Variants in DYM observed in about 807,000 individuals in gnomAD.
The protein encoded by DYM is dyggve-Melchior-Clausen syndrome protein.
DYM carries 78 observed loss-of-function variants against 93.1 expected under a neutral mutation model. The observed-to-expected ratio is 0.84, with a 90% CI of 0.70 to 1.01. The LOEUF (loss-of-function observed/expected upper bound fraction) is 1.01. Among genes scored for constraint, DYM ranks in the 50% least tolerant of loss-of-function variants. The pLI, the probability that DYM is intolerant of heterozygous loss-of-function variation, is 0.00. For missense variants in DYM, 789 were observed against 845.0 expected (o/e 0.93, Z 0.82); for synonymous variants, 321 against 319.7 (o/e 1.00, Z -0.04).
intron 5 of DYM, among the ~76,000 whole-genome samples, chr18:49,371,772 T>G (rs2067066173): frequency 6.6e-6 from 1 of 152,254 alleles, no homozygotes; most frequent in Admixed American, 6.5e-5. Context: ...ACGCATGGAC[T>G]AATGGAAGAG....
At chr18:49,207,621 A>T (rs1390640545) in intron 14 of DYM, among the ~76,000 whole-genome samples, 1 of 152,200 alleles carries the variant, frequency 6.6e-6, no homozygotes, top group African/African-American at 2.4e-5. Flanking sequence ...TTTCCTGAGG[A>T]AGAAGGAATT....
chr18:49,365,325 C>T (rs896484133), intron 5 of DYM, among the ~76,000 whole-genome samples: 11 of 152,158 alleles, frequency 7.2e-5, no homozygotes, highest in East Asian at 1.9e-4. Flanking sequence ...ACACAGCAAT[C>T]GATGCTAAAA....
At chr18:49,425,926 G>C (rs1413132275) in intron 2 of DYM, among the ~76,000 whole-genome samples, 2 of 151,970 alleles carry the variant, frequency 1.3e-5, no homozygotes, top group African/African-American at 4.8e-5. Context: ...GGAGAAATAG[G>C]AACACTTTTA....
chr18:49,298,972 A>T (rs1221698419), intron 8 of DYM, among the ~76,000 whole-genome samples: 1 of 152,210 alleles, frequency 6.6e-6, no homozygotes, highest in Non-Finnish European at 1.5e-5. Context: ...TGCAAAAAGA[A>T]TAAACAAATT....
chr18:49,091,496 C>T (rs1599680010), intron 17 of DYM, among the ~76,000 whole-genome samples: 1 of 152,172 alleles, frequency 6.6e-6, no homozygotes, highest in East Asian at 1.9e-4. Context: ...CCAGGCAAGG[C>T]TCTACGAGTG....
chr18:49,348,361 A>G (rs952307500), intron 6 of DYM, among the ~76,000 whole-genome samples: 1 of 152,172 alleles, frequency 6.6e-6, no homozygotes, highest in African/African-American at 2.4e-5. Flanking sequence ...TATTATCAAC[A>G]AAAGTATGTT....
intron 1 of DYM, among the ~76,000 whole-genome samples, chr18:49,452,058 G>A (rs775664309): frequency 1.3e-5 from 2 of 152,220 alleles, no homozygotes; most frequent in East Asian, 3.9e-4. Flanking sequence ...CAGTGTGTCT[G>A]GAATTGGTGG....
intron 14 of DYM, among the ~76,000 whole-genome samples, chr18:49,181,408 T>TG (rs1190200908): frequency 6.6e-6 from 1 of 152,112 alleles, no homozygotes; most frequent in Non-Finnish European, 1.5e-5. Flanking sequence ...ACAAACCAGC[T>TG]GGTTTATAAT....
At chr18:49,251,810 C>A (rs1278210975) in intron 13 of DYM, among the ~76,000 whole-genome samples, 1 of 152,072 alleles carries the variant, frequency 6.6e-6, no homozygotes, top group Non-Finnish European at 1.5e-5. Flanking sequence ...GCTTCAGAGG[C>A]TATGTGCTTA....
chr18:49,145,497 C>A (rs959828424), intron 15 of DYM, among the ~76,000 whole-genome samples: 2 of 152,170 alleles, frequency 1.3e-5, no homozygotes, highest in African/African-American at 4.8e-5. Flanking sequence ...TCAAAGAAGT[C>A]GAGTTTCATT....
chr18:49,051,573 T>C (rs1040937158), intron 17 of DYM, among the ~76,000 whole-genome samples: 5 of 152,154 alleles, frequency 3.3e-5, no homozygotes, highest in Admixed American at 3.3e-4. Flanking sequence ...AACCCTGAAG[T>C]TAAGCATTTG....
intron 15 of DYM, among the ~76,000 whole-genome samples, chr18:49,153,069 T>C (rs1392670317): frequency 1.3e-5 from 2 of 152,210 alleles, no homozygotes; most frequent in African/African-American, 4.8e-5. Context: ...AATACTGTAT[T>C]GTACACGTGA....
chr18:49,312,119 T>G (rs2061633074), intron 8 of DYM, among the ~76,000 whole-genome samples: 1 of 152,198 alleles, frequency 6.6e-6, no homozygotes, highest in Non-Finnish European at 1.5e-5. Context: ...TGTGTGACTG[T>G]ATAACTGAGG....
intron 14 of DYM, among the ~76,000 whole-genome samples, chr18:49,168,440 C>T (rs1322053687): frequency 6.6e-6 from 1 of 152,154 alleles, no homozygotes; most frequent in Non-Finnish European, 1.5e-5. Flanking sequence ...AGCATGTAAA[C>T]AGAATAAGTG....
rs1359893051 is a variant in DYM at position 49,300,005 on chromosome 18, T to C, written c.764-13389A>G. Among the ~76,000 whole-genome samples, 6 of 145,650 alleles carry C rather than the reference T, an allele frequency of 4.1e-5. No homozygotes were observed. In the East Asian group the frequency reaches 1.0e-3, roughly 24 times the overall value. ...TTGCAGTGAGCCGAGATCGTGCCAC[T>C]GCACTCCAGCCTGGTGATAGAGTGA... On this transcript the variant is annotated intron_variant, in intron 8 of 17. Transcript: ENST00000675505.
chr18:49,044,385 G>A (rs1003017122), intron 17 of DYM, among the ~76,000 whole-genome samples, 181 bp from the exon 18 acceptor site: 4 of 152,330 alleles, frequency 2.6e-5, no homozygotes, highest in Admixed American at 2.6e-4. Flanking sequence ...CTGAGAAAAT[G>A]TGAATTACCG....
chr18:49,301,414 G>A (rs912128986), intron 8 of DYM, among the ~76,000 whole-genome samples: 2 of 151,774 alleles, frequency 1.3e-5, no homozygotes, highest in East Asian at 1.9e-4. Flanking sequence ...CCAGCTACTC[G>A]GGAGGCTGAG....
intron 6 of DYM, among the ~76,000 whole-genome samples, chr18:49,345,006 G>C (rs2064461795): frequency 6.6e-6 from 1 of 152,174 alleles, no homozygotes; most frequent in South Asian, 2.1e-4. Flanking sequence ...AACAGGCTAA[G>C]CTGCTGTGAC....
intron 14 of DYM, among the ~76,000 whole-genome samples, chr18:49,202,982 G>T (rs1470342733): frequency 1.1e-5 from 1 of 92,058 alleles, no homozygotes; most frequent in South Asian, 4.8e-4. Flanking sequence ...CCGGCCAGCC[G>T]TGCCATCCGG....
Sources: allele counts gnomAD v4.1 joint callset (sites outside exome capture counted in the v4.1 genomes callset), GRCh38; gene constraint gnomAD v4.1.1; transcripts MANE v1.5; gene names NCBI Gene and HGNC (gene_info 2026-07-23, HGNC 2026-07-21).